CADM2: variants seen among roughly 807,000 people sequenced by gnomAD.
The protein encoded by CADM2 is immunoglobulin superfamily member 4D.
Under a neutral mutation model 49.8 loss-of-function variants are expected in CADM2, and 12 were observed. The observed-to-expected ratio is 0.24, with a 90% CI of 0.15 to 0.39. CADM2 has a LOEUF of 0.39. Ranked by LOEUF, CADM2 falls within the 10% of genes least tolerant of loss-of-function variation. The pLI, the probability that CADM2 is intolerant of heterozygous loss-of-function variation, is 1.00. For missense variants in CADM2, 378 were observed against 492.3 expected (o/e 0.77, Z 2.20); for synonymous variants, 214 against 175.4 (o/e 1.22, Z -1.74).
intron 1 of CADM2, among the ~76,000 whole-genome samples, chr3:85,571,352 G>A (rs138989942): frequency 1.3e-3 from 191 of 151,818 alleles, no homozygotes; most frequent in African/African-American, 4.4e-3. Context: ...TAGTGCAATA[G>A]AATTATGACC....
rs536534905 is a variant in CADM2, at chr3:85,151,261, A to C, written c.61+191593A>C. Among the ~76,000 whole-genome samples the C allele has an allele frequency of 4.6e-5, 7 of 152,104 alleles. No individual in the cohort carries two copies. In the East Asian group the frequency reaches 1.4e-3, roughly 29 times the overall value. On this transcript the variant is annotated intron_variant, in intron 1 of 9. Coordinates refer to ENST00000383699, the MANE Select transcript of CADM2 (RefSeq NM_001167675.2). ...TTGGGCTTTTCTTTACTATATTCCTAGCCTTTCCGTTCTACTGAGAAACTC... is the reference window on the plus strand; with the variant it reads ...TTGGGCTTTTCTTTACTATATTCCTCGCCTTTCCGTTCTACTGAGAAACTC...
At chr3:85,349,718 T>C (rs2031139661) in intron 1 of CADM2, among the ~76,000 whole-genome samples, 2 of 152,164 alleles carry the variant, frequency 1.3e-5, no homozygotes, top group South Asian at 4.1e-4. Context: ...AAGATGAATG[T>C]TTTGCTTATT....
intron 1 of CADM2, among the ~76,000 whole-genome samples, chr3:85,337,902 C>T (rs751400214): frequency 6.6e-6 from 1 of 151,556 alleles, no homozygotes; most frequent in Non-Finnish European, 1.5e-5. Flanking sequence ...ATATTTTAAT[C>T]TCTTAGAATG....
chr3:86,014,993 C>A (rs753999450), intron 8 of CADM2: 1 of 1,102,848 alleles, frequency 9.1e-7, no homozygotes, highest in Admixed American at 1.8e-5. Context: ...GTTCGAGTAA[C>A]TTGGCTTTGC....
At chr3:85,587,274 A>T (rs1281449410) in intron 1 of CADM2, among the ~76,000 whole-genome samples, 1 of 152,070 alleles carries the variant, frequency 6.6e-6, no homozygotes, top group Non-Finnish European at 1.5e-5. Flanking sequence ...AAATACAGTG[A>T]CCCAAGTCAC....
Position 86,057,759 on chromosome 3 carries a change from G to A in CADM2, c.971-7846G>A, listed in dbSNP as rs551117644. Among the ~76,000 whole-genome samples the A allele has an allele frequency of 3.1e-3, 473 of 152,242 alleles. 4 individuals carry two copies. The highest frequency in any genetic ancestry group is 5.5e-3 in the Non-Finnish European group (372 of 67,994). On this transcript the variant is annotated intron_variant, in intron 8 of 9. Coordinates refer to ENST00000383699, the MANE Select transcript of CADM2 (RefSeq NM_001167675.2). ...TGCATGCCCAGAGGGAAAGAAGTAT[G>A]TCTTACAGGATGAAGAAGCATAAAT...
intron 8 of CADM2, among the ~76,000 whole-genome samples, chr3:85,997,398 TG>T (rs1345620393): frequency 6.6e-6 from 1 of 152,192 alleles, no homozygotes; most frequent in African/African-American, 2.4e-5. Flanking sequence ...GAGCTGTTAG[TG>T]TATTGCAAAT....
chr3:86,067,081 T>C lies in CADM2; in HGVS notation c.*298T>C, dbSNP rs1001504118. On this transcript the variant is annotated 3_prime_UTR_variant, in exon 10 of 10. Transcript: ENST00000383699. ...TTAATCATCTCCTTGGATCATTATA[T>C]TGAGTGGTTTTTATACATTAAAAAA... 6 of 273,710 alleles carry C rather than the reference T, an allele frequency of 2.2e-5. No homozygotes were observed. The highest frequency in any genetic ancestry group is 1.1e-4 in the African/African-American group (5 of 45,234). 17.0% of individuals were successfully genotyped at this position (273,710 alleles called of 1,614,324 possible). A position where few individuals can be genotyped will look rare whatever the true frequency, so the allele number is the denominator to read the frequency against.
chr3:85,032,666 A>G (rs1020720434), intron 1 of CADM2, among the ~76,000 whole-genome samples: 7 of 152,122 alleles, frequency 4.6e-5, no homozygotes, highest in African/African-American at 1.7e-4. Context: ...TTATATTAAG[A>G]ATTGTGCTAG....
chr3:85,121,934 CG>C (rs1291677745), intron 1 of CADM2, among the ~76,000 whole-genome samples: 2 of 152,068 alleles, frequency 1.3e-5, no homozygotes, highest in Non-Finnish European at 2.9e-5. Context: ...AATTTATCTT[CG>C]CTATCTTATC....
chr3:85,611,788 G>T (rs2063689261), intron 1 of CADM2, among the ~76,000 whole-genome samples: 1 of 151,140 alleles, frequency 6.6e-6, no homozygotes, highest in South Asian at 2.1e-4. Context: ...GAAATGGGAA[G>T]AAAATGTGTG....
chr3:85,731,547 A>C (rs975930648), intron 2 of CADM2, among the ~76,000 whole-genome samples: 2 of 152,164 alleles, frequency 1.3e-5, no homozygotes, highest in African/African-American at 4.8e-5. Context: ...TGTGGGAAAA[A>C]TGAACAAACA....
intron 1 of CADM2, among the ~76,000 whole-genome samples, chr3:85,577,575 T>C (rs1710536509): frequency 6.6e-6 from 1 of 152,218 alleles, no homozygotes; most frequent in Non-Finnish European, 1.5e-5. Context: ...TATTTTGTTA[T>C]AGAACACAAA....
At chr3:85,919,584 A>AC (rs1462203489) in intron 6 of CADM2, among the ~76,000 whole-genome samples, 1 of 151,888 alleles carries the variant, frequency 6.6e-6, no homozygotes. Context: ...GACAGTCCTG[A>AC]CCTTCTTGAT....
chr3:85,712,681 C>A (rs1226866247), intron 1 of CADM2, among the ~76,000 whole-genome samples: 2 of 151,994 alleles, frequency 1.3e-5, no homozygotes, highest in Non-Finnish European at 2.9e-5. Context: ...TGTAATAATG[C>A]CTCAGAATAT....
At chr3:85,735,217 G>C (rs1380194808) in intron 2 of CADM2, among the ~76,000 whole-genome samples, 2 of 152,116 alleles carry the variant, frequency 1.3e-5, no homozygotes, top group Non-Finnish European at 2.9e-5. Flanking sequence ...GAGTAGAAAA[G>C]ACAGTGGTTC....
At chr3:85,347,878 G>A (rs1223104260) in intron 1 of CADM2, among the ~76,000 whole-genome samples, 2 of 150,560 alleles carry the variant, frequency 1.3e-5, no homozygotes, top group Admixed American at 6.6e-5. Flanking sequence ...CACGATCTCC[G>A]CTCAGTGCAA....
At chr3:85,649,977 C>G (rs2064996893) in intron 1 of CADM2, among the ~76,000 whole-genome samples, 1 of 152,154 alleles carries the variant, frequency 6.6e-6, no homozygotes, top group African/African-American at 2.4e-5. Context: ...AGGCATCACT[C>G]TAGACCTCTG....
At chr3:85,306,216 A>G (rs765812314) in intron 1 of CADM2, among the ~76,000 whole-genome samples, 10 of 151,712 alleles carry the variant, frequency 6.6e-5, no homozygotes, top group Non-Finnish European at 1.5e-4. Flanking sequence ...CTTAAATTTC[A>G]ACAAAAAAAT....
Sources: allele counts gnomAD v4.1 joint callset (sites outside exome capture counted in the v4.1 genomes callset), GRCh38; gene constraint gnomAD v4.1.1; transcripts MANE v1.5; gene names NCBI Gene and HGNC (gene_info 2026-07-23, HGNC 2026-07-21).